Variants in SUGCT observed in about 807,000 individuals in gnomAD.
SUGCT encodes the protein succinyl-CoA:glutarate CoA-transferase.
Under a neutral mutation model 55.0 loss-of-function variants are expected in SUGCT, and 41 were observed. That is an observed-to-expected ratio of 0.74 (90% CI 0.58 to 0.97). SUGCT has a LOEUF of 0.97. SUGCT is among the 50% of genes least tolerant of loss of function. SUGCT has a pLI of 0.00. For synonymous variants in SUGCT, 187 were observed against 200.4 expected, an observed-to-expected ratio of 0.93 and a Z score of 0.56; for missense variants, 568 against 547.8, an observed-to-expected ratio of 1.04 and a Z score of -0.37.
At chr7:40,168,391 A>G (rs1584241354) in intron 1 of SUGCT, among the ~76,000 whole-genome samples, 1 of 152,174 alleles carries the variant, frequency 6.6e-6, no homozygotes, top group East Asian at 1.9e-4. Context: ...AGGCTGGTCC[A>G]GGGGTCCGTG....
the SUGCT span, among the ~76,000 whole-genome samples, chr7:40,931,373 C>G: frequency 6.6e-6 from 1 of 152,110 alleles, no homozygotes; most frequent in Non-Finnish European, 1.5e-5. Flanking sequence ...AGATATTGGT[C>G]TAAAATTCTC....
chr7:40,213,278 A>T (rs1787447609), intron 6 of SUGCT, among the ~76,000 whole-genome samples: 1 of 152,194 alleles, frequency 6.6e-6, no homozygotes, highest in Non-Finnish European at 1.5e-5. Flanking sequence ...TTTCTCCAAC[A>T]TGTAACAGTT....
intron 12 of SUGCT, among the ~76,000 whole-genome samples, chr7:40,508,705 AG>A (rs1792750066): frequency 6.6e-6 from 1 of 152,152 alleles, no homozygotes; most frequent in Admixed American, 6.6e-5. Context: ...AGAGAATTTC[AG>A]TTTAAAAAAA....
intron 6 of SUGCT, among the ~76,000 whole-genome samples, chr7:40,223,038 C>A (rs1788126135): frequency 6.7e-6 from 1 of 149,498 alleles, no homozygotes; most frequent in Admixed American, 6.7e-5. Context: ...TCCTTCCTTC[C>A]TTCCATCCAT....
intron 7 of SUGCT, among the ~76,000 whole-genome samples, chr7:40,263,541 T>G (rs1584499940): frequency 6.6e-6 from 1 of 152,346 alleles, no homozygotes; most frequent in Non-Finnish European, 1.5e-5. Context: ...TTATTTAAAT[T>G]GACTCTTCCT....
At chr7:40,464,411 G>C (rs1789987283) in intron 11 of SUGCT, among the ~76,000 whole-genome samples, 1 of 152,174 alleles carries the variant, frequency 6.6e-6, no homozygotes, top group South Asian at 2.1e-4. Flanking sequence ...AATCAGGGAA[G>C]GCTTCCTGGA....
intron 12 of SUGCT, among the ~76,000 whole-genome samples, chr7:40,496,647 T>A (rs1791992041): frequency 6.6e-6 from 1 of 152,164 alleles, no homozygotes; most frequent in Non-Finnish European, 1.5e-5. Flanking sequence ...GTATTTAATT[T>A]TCCTGAAAAA....
At chr7:40,683,544 C>G (rs1026456172) in intron 12 of SUGCT, among the ~76,000 whole-genome samples, 30 of 152,300 alleles carry the variant, frequency 2.0e-4, no homozygotes, top group Admixed American at 6.5e-4. Context: ...TTGAAGTTCC[C>G]TTTCCCACTG....
chr7:40,809,560 G>A (rs972961788), intron 13 of SUGCT, among the ~76,000 whole-genome samples: 1 of 152,140 alleles, frequency 6.6e-6, no homozygotes, highest in Non-Finnish European at 1.5e-5. Flanking sequence ...CTAGGTTTTG[G>A]TTCCTCAAGC....
At chr7:40,678,203 T>A (rs1216111254) in intron 12 of SUGCT, among the ~76,000 whole-genome samples, 1 of 152,182 alleles carries the variant, frequency 6.6e-6, no homozygotes, top group Non-Finnish European at 1.5e-5. Flanking sequence ...GCATAGCTAG[T>A]AGGAAGCAAG....
chr7:40,305,173 T>C (rs1184705662), intron 8 of SUGCT, among the ~76,000 whole-genome samples: 1 of 152,208 alleles, frequency 6.6e-6, no homozygotes, highest in Non-Finnish European at 1.5e-5. Flanking sequence ...GGGCTTGGGC[T>C]TTGTCACTTC....
In SUGCT at chr7:40,787,660, C is replaced by CAAAA. The variant is rs55764379; in HGVS notation, c.1153+38184_1153+38187dup. ...AAACTGGTAACCAAGAAATTTTGAC[C>CAAAA]AAAAAAAAAAAAAAAAAAAAAAAAG... is the stretch of plus-strand genomic sequence containing the variant. On this transcript the variant is annotated intron_variant, in intron 13 of 13. Coordinates refer to ENST00000335693, the MANE Select transcript of SUGCT (RefSeq NM_001193313.2). Among the ~76,000 whole-genome samples the CAAAA allele has an allele frequency of 1.8e-3, 89 of 48,402 alleles. 3 individuals are homozygous for CAAAA. The highest frequency in any genetic ancestry group is 2.7e-3 in the African/African-American group (45 of 16,838). The allele number at this position is 48,402 out of a possible 152,430, so 31.8% of individuals were successfully genotyped here.
At chr7:40,539,941 A>G (rs1232970244) in intron 12 of SUGCT, among the ~76,000 whole-genome samples, 1 of 152,226 alleles carries the variant, frequency 6.6e-6, no homozygotes, top group Non-Finnish European at 1.5e-5. Context: ...TCAAATTTTT[A>G]TAGTATATCT....
chr7:40,753,925 T>C (rs982792506), intron 13 of SUGCT, among the ~76,000 whole-genome samples: 6 of 152,206 alleles, frequency 3.9e-5, no homozygotes, highest in African/African-American at 1.4e-4. Flanking sequence ...ATACAATAAG[T>C]AGTATCATCT....
intron 1 of SUGCT, among the ~76,000 whole-genome samples, chr7:40,162,139 G>A (rs796779428): frequency 3.9e-5 from 6 of 152,140 alleles, no homozygotes; most frequent in African/African-American, 1.4e-4. Context: ...CTCGTGATCC[G>A]CCCGCCTCGG....
chr7:40,140,105 T>C (rs369256808), intron 1 of SUGCT, among the ~76,000 whole-genome samples: 2 of 152,066 alleles, frequency 1.3e-5, no homozygotes, highest in East Asian at 3.9e-4. Flanking sequence ...GGTTTCTCCA[T>C]GTTGGTCAGG....
chr7:40,775,966 T>C (rs1789426757), intron 13 of SUGCT, among the ~76,000 whole-genome samples: 2 of 152,178 alleles, frequency 1.3e-5, no homozygotes, highest in Non-Finnish European at 2.9e-5. Context: ...TAAGACATAT[T>C]ATCTTTCAAT....
At chr7:40,280,756 C>G (rs1434515126) in intron 8 of SUGCT, among the ~76,000 whole-genome samples, 1 of 152,052 alleles carries the variant, frequency 6.6e-6, no homozygotes, top group African/African-American at 2.4e-5. Context: ...TTTTTTTAAA[C>G]AATTTTATTG....
intron 9 of SUGCT, among the ~76,000 whole-genome samples, chr7:40,380,619 A>T (rs1028736237): frequency 1.3e-5 from 2 of 151,972 alleles, no homozygotes; most frequent in African/African-American, 4.8e-5. Context: ...GAATTGGGGG[A>T]TTTCACTGAG....
Sources: allele counts gnomAD v4.1 joint callset (sites outside exome capture counted in the v4.1 genomes callset), GRCh38; gene constraint gnomAD v4.1.1; transcripts MANE v1.5; gene names NCBI Gene and HGNC (gene_info 2026-07-23, HGNC 2026-07-21).